Variants in TCERG1 observed in about 807,000 individuals in gnomAD.
TCERG1 encodes the protein transcription elongation regulator 1, also known as TATA box binding protein (TBP)-associated factor, RNA polymerase II, S, 150kD.
TCERG1 carries 37 observed loss-of-function variants against 144.7 expected under a neutral mutation model. The ratio of observed to expected loss-of-function variants is 0.26; its 90% confidence interval spans 0.20 to 0.34. The LOEUF (loss-of-function observed/expected upper bound fraction) is 0.34, where lower values mean the gene tolerates loss of function less well. Ranked by LOEUF, TCERG1 falls within the 10% of genes least tolerant of loss-of-function variation. The probability of loss-of-function intolerance (pLI) is 1.00; values close to 1 mark genes in which losing one functional copy is unlikely to be tolerated. For missense variants in TCERG1, 1,027 were observed against 1,380.7 expected (o/e 0.74, Z 4.06); for synonymous variants, 492 against 458.2 (o/e 1.07, Z -0.94).
chr5:146,511,514 A>G lies in TCERG1; in HGVS notation c.*872A>G, dbSNP rs994128792. ...AAACCAACCCTTTTTATATATCTGT[A>G]TTGTATATGATTATTGTTACTTAAT... On this transcript the variant is annotated 3_prime_UTR_variant, in exon 23 of 23. Coordinates refer to ENST00000679501, the MANE Select transcript of TCERG1 (RefSeq NM_001382548.1). The G allele has an allele frequency of 3.3e-5, 5 of 152,424 alleles. No homozygotes were observed. The highest frequency in any genetic ancestry group is 4.8e-5 in the African/African-American group (2 of 41,382). The allele number at this position is 152,424 out of a possible 1,614,324, so 9.4% of individuals were successfully genotyped here. A position where few individuals can be genotyped will look rare whatever the true frequency, so the allele number is the denominator to read the frequency against.
rs1186174002 is a variant in TCERG1 at position 146,447,337 on chromosome 5, G to T, written c.-13G>T. 3.1e-6 allele frequency: 5 copies of T among 1,611,302 alleles called. No individual in the cohort carries two copies. The highest frequency in any genetic ancestry group is 4.2e-6 in the Non-Finnish European group (5 of 1,178,952). ...ACGTCGGGTCGGCGGGTGGATGAAC[G>T]CGGCCCTCTGTAATGGCGGAGCGTG... On this transcript the variant is annotated 5_prime_UTR_variant, in exon 1 of 23. Transcript: ENST00000679501.
intron 4 of TCERG1, among the ~76,000 whole-genome samples, chr5:146,463,230 C>A (rs1454098178): frequency 6.6e-6 from 1 of 152,110 alleles, no homozygotes; most frequent in Admixed American, 6.6e-5. Flanking sequence ...CTACCCCTTC[C>A]TGCTGTTTTT....
At chr5:146,469,816 G>C in intron 7 of TCERG1, 72 bp downstream of exon 7, 1 of 1,104,318 alleles carries the variant, frequency 9.1e-7, no homozygotes, top group South Asian at 2.8e-5. Context: ...GAAATTCTGA[G>C]TTAATTTCTT....
chr5:146,475,379 C>T (rs1764737026), intron 9 of TCERG1, among the ~76,000 whole-genome samples: 1 of 150,616 alleles, frequency 6.6e-6, no homozygotes, highest in Non-Finnish European at 1.5e-5. Flanking sequence ...GTAATTTTGC[C>T]CCTAGTGGAC....
rs540325268 is a variant in TCERG1, at chr5:146,447,730, G to T, written c.59+322G>T. Among the ~76,000 whole-genome samples, 136 of 152,352 alleles carry T rather than the reference G, an allele frequency of 8.9e-4. 1 individual carries two copies. The highest frequency in any genetic ancestry group is 3.2e-3 in the African/African-American group (132 of 41,588). On this transcript the variant is annotated intron_variant, in intron 1 of 22. Coordinates refer to ENST00000679501, the MANE Select transcript of TCERG1 (RefSeq NM_001382548.1). ...CCCGCCTCAGCCGCGTGTCGCCTCC[G>T]TCTCGGCCGACCTGAGTCTGTCCCC...
intron 15 of TCERG1, among the ~76,000 whole-genome samples, chr5:146,488,621 G>A (rs1263335547): frequency 6.6e-6 from 1 of 152,092 alleles, no homozygotes; most frequent in Non-Finnish European, 1.5e-5. Flanking sequence ...ATATACTGTT[G>A]GTTAGAATTT....
chr5:146,486,493 CATAG>C (rs1292329095), intron 15 of TCERG1, among the ~76,000 whole-genome samples: 2 of 152,180 alleles, frequency 1.3e-5, no homozygotes, highest in African/African-American at 4.8e-5. Flanking sequence ...TAGGTTCTGA[CATAG>C]ATAGTCGTTA....
chr5:146,471,429 T>C, intron 8 of TCERG1, 59 bp from the exon 9 acceptor site: 2 of 1,474,520 alleles, frequency 1.4e-6, no homozygotes, highest in East Asian at 4.7e-5. Context: ...TTCATGTTTT[T>C]GTGGAACATT....
chr5:146,487,114 C>G (rs1171058710), intron 15 of TCERG1, among the ~76,000 whole-genome samples: 5 of 151,900 alleles, frequency 3.3e-5, no homozygotes, highest in African/African-American at 1.2e-4. Flanking sequence ...TAAACTGATT[C>G]AGGAAAATTA....
intron 2 of TCERG1, among the ~76,000 whole-genome samples, chr5:146,456,429 G>A (rs987856987): frequency 2.6e-5 from 4 of 152,068 alleles, no homozygotes; most frequent in Non-Finnish European, 5.9e-5. Flanking sequence ...TTCTAATGTT[G>A]TCATGCCTTT....
intron 1 of TCERG1, among the ~76,000 whole-genome samples, chr5:146,447,797 C>T (rs1762010789): frequency 6.6e-6 from 1 of 152,252 alleles, no homozygotes; most frequent in African/African-American, 2.4e-5. Context: ...TCATCGACGT[C>T]TCTGCACTCC....
rs201279065 is a variant in TCERG1, at chr5:146,455,188, G to A, written c.192G>A (p.Arg64=). 1.1e-5 allele frequency: 18 copies of A among 1,614,130 alleles called. No homozygotes were observed. The highest frequency in any genetic ancestry group is 1.6e-4 in the Middle Eastern group (1 of 6,062). The change falls in exon 2 of 23, where the codon CGG becomes CGA. Residue 64 remains arginine, a synonymous_variant. Coordinates refer to ENST00000679501, the MANE Select transcript of TCERG1 (RefSeq NM_001382548.1). ...GMMRGPPPPP[R]PPFGRPPFDP... is the part of the protein sequence containing the mutation. The stretch of plus-strand genomic sequence containing the variant: ...TGCGAGGCCCTCCTCCACCACCACG[G>A]CCGCCCTTTGGACGTCCTCCTTTTG...
At chr5:146,490,815 C>T in intron 15 of TCERG1, among the ~76,000 whole-genome samples, 1 of 152,048 alleles carries the variant, frequency 6.6e-6, no homozygotes, top group East Asian at 1.9e-4. Context: ...TTTTCTCTTT[C>T]CTGTTAATTA....
At chr5:146,506,995 T>C (rs1176072485) in intron 19 of TCERG1, 33 bp from the exon 20 acceptor site, 12 of 1,507,930 alleles carry the variant, frequency 8.0e-6, no homozygotes, top group Non-Finnish European at 1.1e-5. Flanking sequence ...GATAAGTCTC[T>C]TTGGTGATAT....
At chr5:146,481,119 A>T (rs1031988064) in intron 12 of TCERG1, 31 bp from the exon 13 acceptor site, 3 of 978,548 alleles carry the variant, frequency 3.1e-6, no homozygotes, top group African/African-American at 1.8e-5. Flanking sequence ...CTTATAGACA[A>T]CTCTGTAAGG....
At chr5:146,490,664 G>A (rs1435582298) in intron 15 of TCERG1, among the ~76,000 whole-genome samples, 2 of 152,126 alleles carry the variant, frequency 1.3e-5, no homozygotes, top group African/African-American at 4.8e-5. Flanking sequence ...GTACTTGGCT[G>A]ACCTTTTCAG....
intron 22 of TCERG1, among the ~76,000 whole-genome samples, 168 bp downstream of exon 22, chr5:146,509,413 T>C (rs1768276744): frequency 9.4e-6 from 1 of 106,858 alleles, no homozygotes; most frequent in African/African-American, 4.1e-5. Context: ...TCTACCATAC[T>C]TTTTTTTTTT....
chr5:146,462,133 T>TA (rs1763386061), intron 4 of TCERG1: 1 of 152,648 alleles, frequency 6.6e-6, no homozygotes, highest in Non-Finnish European at 1.5e-5. Flanking sequence ...ATTGCTCACA[T>TA]CTTCCCAGCC....
chr5:146,478,616 C>A lies in TCERG1; in HGVS notation c.1725C>A (p.Pro575=). Residue 575 remains proline, a synonymous_variant, in exon 10 of 23, where the codon CCC becomes CCA. Coordinates refer to ENST00000679501, the MANE Select transcript of TCERG1 (RefSeq NM_001382548.1). ...RADVDKIIQE[P]PHKKGMEELK... ...ATGTTGACAAAATTATTCAGGAGCC[C>A]CCTCATAAAAAAGGAATGGAGGAAT... The A allele has an allele frequency of 1.2e-6, 2 of 1,602,312 alleles. No homozygotes were observed. Among genetic ancestry groups the A allele is most frequent in the Non-Finnish European group, 8.5e-7 (1 of 1,176,166 alleles).
Sources: gnomAD v4.1 joint callset for allele counts (sites outside exome capture counted in the v4.1 genomes callset) on GRCh38, gnomAD v4.1.1 for gene constraint, MANE v1.5 for transcripts, NCBI Gene and HGNC (gene_info 2026-07-23, HGNC 2026-07-21) for gene names.